Variants in STAT4 observed in about 807,000 individuals in gnomAD.
The protein encoded by STAT4 is signal transducer and activator of transcription 4.
STAT4 carries 42 observed loss-of-function variants against 110.5 expected under a neutral mutation model. The ratio of observed to expected loss-of-function variants is 0.38; its 90% CI spans 0.30 to 0.49. The LOEUF is 0.49. Among genes scored for constraint, STAT4 ranks in the 20% least tolerant of loss-of-function variants. STAT4 has a pLI of 0.95. For synonymous variants in STAT4, 284 were observed against 302.2 expected (o/e 0.94, Z 0.63); for missense variants, 632 against 887.9 (o/e 0.71, Z 3.66).
chr2:191,067,909 C>T (rs1369887704), intron 6 of STAT4, among the ~76,000 whole-genome samples: 1 of 152,132 alleles, frequency 6.6e-6, no homozygotes, highest in Non-Finnish European at 1.5e-5. Context: ...CCCAGAACAA[C>T]ACTGTGGCAA....
chr2:191,116,399 T>C lies in STAT4; in HGVS notation c.273+30214A>G, dbSNP rs1698573113. ...AGATAAAGAAGAATCAGCCTAGTTATAATAAAATAGCCCAAGGAAAGTTGA... is the reference window on the plus strand; with the variant it reads ...AGATAAAGAAGAATCAGCCTAGTTACAATAAAATAGCCCAAGGAAAGTTGA... On this transcript the variant is annotated intron_variant, in intron 3 of 23. Coordinates refer to ENST00000392320, the MANE Select transcript of STAT4 (RefSeq NM_003151.4). This position sits in a 1 kb window ranked among gnomAD's most constrained non-coding sequence, Gnocchi z 4.1. Among the ~76,000 whole-genome samples the C allele has an allele frequency of 6.6e-6, 1 of 152,208 alleles. No homozygotes were observed. Among genetic ancestry groups the C allele is most frequent in the Admixed American group, 6.5e-5 (1 of 15,268 alleles).
intron 3 of STAT4, among the ~76,000 whole-genome samples, chr2:191,130,072 G>C (rs1698991468): frequency 6.6e-6 from 1 of 152,074 alleles, no homozygotes; most frequent in South Asian, 2.1e-4. Flanking sequence ...TTGAGGTGAA[G>C]TTTCAATCTT....
At chr2:191,049,167 C>CAT (rs1696445804) in intron 14 of STAT4, among the ~76,000 whole-genome samples, 1 of 104,128 alleles carries the variant, frequency 9.6e-6, no homozygotes, top group Non-Finnish European at 1.9e-5. Context: ...ATGGTAATAG[C>CAT]TTTTTTTTTT....
At chr2:191,045,971 G>T (rs571702023) in intron 14 of STAT4, among the ~76,000 whole-genome samples, 2 of 152,264 alleles carry the variant, frequency 1.3e-5, no homozygotes, top group South Asian at 4.1e-4. Flanking sequence ...CGCTTGAGAC[G>T]GACTAGTTGT....
chr2:191,050,351 T>C lies in STAT4; in HGVS notation c.1251+4139A>G, dbSNP rs1312298626. On this transcript the variant is annotated intron_variant, in intron 14 of 23. Coordinates refer to ENST00000392320, the MANE Select transcript of STAT4 (RefSeq NM_003151.4). The surrounding 1 kb of genome is among the most constrained non-coding windows in gnomAD (Gnocchi z 4.3). ...ACTTTCTAGGTGATGAAATTGTTTA[T>C]TCACATTGACTCTTCCCAGGAGAGA... Among the ~76,000 whole-genome samples, 1 of 152,234 alleles carries C rather than the reference T, an allele frequency of 6.6e-6. No homozygotes were observed. Among genetic ancestry groups the C allele is most frequent in the Non-Finnish European group, 1.5e-5 (1 of 68,038 alleles).
At chr2:191,038,768 C>T (rs183540218) in intron 16 of STAT4, among the ~76,000 whole-genome samples, 4 of 152,260 alleles carry the variant, frequency 2.6e-5, no homozygotes, top group Non-Finnish European at 5.9e-5. Context: ...TGTCAGAATA[C>T]GATTAGGCAA....
intron 3 of STAT4, among the ~76,000 whole-genome samples, chr2:191,125,683 T>C (rs1698864657): frequency 6.6e-6 from 1 of 151,920 alleles, no homozygotes; most frequent in Non-Finnish European, 1.5e-5. Context: ...AGGGTCTCAC[T>C]ATGTTGCCCA....
rs1044672893 is a variant in STAT4 at position 191,053,410 on chromosome 2, G to A, written c.1251+1080C>T. ...ACATTTTCAGGCCCTGGCAGAGCAT[G>A]TACTCAAACCCAGGTTTTCTAGTTC... On this transcript the variant is annotated intron_variant, in intron 14 of 23. Coordinates refer to ENST00000392320, the MANE Select transcript of STAT4 (RefSeq NM_003151.4). This position sits in a 1 kb window ranked among gnomAD's most constrained non-coding sequence, Gnocchi z 4.5. 2.6e-5 allele frequency among the ~76,000 whole-genome samples: 4 copies of A among 152,170 alleles called. No individual in the cohort carries two copies. Among genetic ancestry groups the A allele is most frequent in the Non-Finnish European group, 4.4e-5 (3 of 68,026 alleles).
At chr2:191,065,294 T>C (rs769099368) in intron 7 of STAT4, among the ~76,000 whole-genome samples, 1 of 152,192 alleles carries the variant, frequency 6.6e-6, no homozygotes, top group African/African-American at 2.4e-5. Flanking sequence ...ATATGTAATT[T>C]ATTTTTTAAT....
Position 191,110,014 on chromosome 2 carries a change from T to C in STAT4, c.274-33689A>G, listed in dbSNP as rs1405843219. On this transcript the variant is annotated intron_variant, in intron 3 of 23. Coordinates refer to ENST00000392320, the MANE Select transcript of STAT4 (RefSeq NM_003151.4). This position sits in a 1 kb window ranked among gnomAD's most constrained non-coding sequence, Gnocchi z 4.5. ...CCATTCATTAAGAAAGGCCACAATA[T>C]GCAAACTCCTGGTTTCCAATATGAG... Among the ~76,000 whole-genome samples, 2 of 152,122 alleles carry C rather than the reference T, an allele frequency of 1.3e-5. No individual in the cohort carries two copies. Among genetic ancestry groups the C allele is most frequent in the Non-Finnish European group, 2.9e-5 (2 of 68,016 alleles).
intron 3 of STAT4, among the ~76,000 whole-genome samples, chr2:191,126,733 T>C (rs4555370): frequency 0.65 from 98,173 of 152,092 alleles, 32,043 homozygotes; most frequent in South Asian, 0.78. Flanking sequence ...ATTGGGTGGG[T>C]TTCTTCTGTA....
At position 191,033,197 on chromosome 2, in the gene STAT4, C is replaced by T; in HGVS notation, c.1853-48G>A. On this transcript the variant is annotated intron_variant, in intron 20 of 23. Coordinates refer to ENST00000392320, the MANE Select transcript of STAT4 (RefSeq NM_003151.4). This position sits in a 1 kb window ranked among gnomAD's most constrained non-coding sequence, Gnocchi z 6.9. The stretch of plus-strand genomic sequence containing the variant: ...AATATACAGGTTCCTGTACACATTC[C>T]TTGTGACCATTTCTTCCCTGCCCAC... The T allele has an allele frequency of 7.7e-6, 12 of 1,566,200 alleles. No homozygotes were observed. Among genetic ancestry groups the T allele is most frequent in the Admixed American group, 1.8e-5 (1 of 54,162 alleles).
rs1041569014 is a variant in STAT4 at position 191,147,824 on chromosome 2, C to A, written c.128+252G>T. On this transcript the variant is annotated intron_variant, in intron 2 of 23. Transcript: ENST00000392320. The surrounding 1 kb of genome is among the most constrained non-coding windows in gnomAD (Gnocchi z 4.1). ...AATTGATTTGCTTCTTTTTTTAATA[C>A]ATGAAAAATTATTTGGGTTTTTGTT... Among the ~76,000 whole-genome samples the A allele has an allele frequency of 1.3e-5, 2 of 151,836 alleles. No homozygotes were observed.
chr2:191,068,943 C>CACTGAAAAAATAGTAAAATA (rs1697068780), intron 6 of STAT4, among the ~76,000 whole-genome samples: 2 of 152,046 alleles, frequency 1.3e-5, no homozygotes, highest in South Asian at 4.1e-4. Context: ...CAGTGTTTAA[C>CACTGAAAAAATAGTAAAATA]CACAGAAAAA....
rs769130110 is a variant in STAT4, at chr2:191,031,711, A to G, written c.2045-195T>C. Among the ~76,000 whole-genome samples the G allele has an allele frequency of 5.9e-5, 9 of 152,198 alleles. No homozygotes were observed. The highest frequency in any genetic ancestry group is 1.0e-4 in the Non-Finnish European group (7 of 68,026). The stretch of plus-strand genomic sequence containing the variant: ...ATAAGCATAAAATGTGCAAGAAGAG[A>G]AAAACAAATCTCTTGGCAGGCCTAA... On this transcript the variant is annotated intron_variant, in intron 21 of 23. Transcript: ENST00000392320. This position sits in a 1 kb window ranked among gnomAD's most constrained non-coding sequence, Gnocchi z 4.8.
rs765185564 is a variant in STAT4 at position 191,058,821 on chromosome 2, A to T, written c.1035-52T>A. 2 of 1,080,932 alleles carry T rather than the reference A, an allele frequency of 1.9e-6. No individual in the cohort carries two copies. Among genetic ancestry groups the T allele is most frequent in the Non-Finnish European group, 2.7e-6 (2 of 732,474 alleles). 67.0% of individuals were successfully genotyped at this position (1,080,932 alleles called of 1,614,324 possible). ...TCAAAGATAAAAATTAAAAGTGTTT[A>T]AAAACCCTTTTTTATATTTAAACAT... On this transcript the variant is annotated intron_variant, in intron 10 of 23. Transcript: ENST00000392320. This position sits in a 1 kb window ranked among gnomAD's most constrained non-coding sequence, Gnocchi z 4.3.
rs1696850163 is a variant in STAT4 at position 191,061,573 on chromosome 2, T to C, written c.1034+156A>G. ...ACAAGCAGGGCTCTCATCTTCACAT[T>C]TCTGTGGGTATTTCCCCAAGCTCAG... On this transcript the variant is annotated intron_variant, in intron 10 of 23. Coordinates refer to ENST00000392320, the MANE Select transcript of STAT4 (RefSeq NM_003151.4). The surrounding 1 kb of genome is among the most constrained non-coding windows in gnomAD (Gnocchi z 6.2). 6.6e-6 allele frequency among the ~76,000 whole-genome samples: 1 copy of C among 152,208 alleles called. No individual in the cohort carries two copies. Among genetic ancestry groups the C allele is most frequent in the Non-Finnish European group, 1.5e-5 (1 of 68,048 alleles).
chr2:191,079,486 T>C (rs186547456), intron 3 of STAT4, among the ~76,000 whole-genome samples: 134 of 152,184 alleles, frequency 8.8e-4, no homozygotes, highest in Admixed American at 1.8e-3. Context: ...AGAAATATAA[T>C]TAATTTTTGT....
In STAT4 at chr2:191,099,471, G is replaced by A. The variant is rs147935017; in HGVS notation, c.274-23146C>T. 1.2e-3 allele frequency among the ~76,000 whole-genome samples: 186 copies of A among 152,170 alleles called. No homozygotes were observed. Among genetic ancestry groups the A allele is most frequent in the African/African-American group, 4.3e-3 (179 of 41,526 alleles). On this transcript the variant is annotated intron_variant, in intron 3 of 23. Transcript: ENST00000392320. This position sits in a 1 kb window ranked among gnomAD's most constrained non-coding sequence, Gnocchi z 4.1. ...AGTAAAGTAATTTCTCATCTAACAG[G>A]GATGGTTCAATAAACTGTAACACAT... is the stretch of plus-strand genomic sequence containing the variant.
Sources: gnomAD v4.1 joint callset for allele counts (sites outside exome capture counted in the v4.1 genomes callset) on GRCh38, gnomAD v4.1.1 for gene constraint, Gnocchi (gnomAD v3.1) non-coding constraint, MANE v1.5 for transcripts, NCBI Gene and HGNC (gene_info 2026-07-23, HGNC 2026-07-21) for gene names.